The following CTNNA3 variants were observed in gnomAD, a reference collection of about 807,000 sequenced individuals.
CTNNA3 encodes the protein catenin alpha-3.
CTNNA3 carries 76 observed loss-of-function variants against 95.7 expected under a neutral mutation model. That is an observed-to-expected ratio of 0.79 (90% confidence interval 0.66 to 0.96). CTNNA3 has a LOEUF of 0.96. CTNNA3 is among the 40% of genes least tolerant of loss of function. The pLI, the probability that CTNNA3 is intolerant of heterozygous loss-of-function variation, is 0.00. For missense variants in CTNNA3, 1,191 were observed against 1,089.8 expected (o/e 1.09, Z -1.31); for synonymous variants, 431 against 374.4 (o/e 1.15, Z -1.74).
intron 12 of CTNNA3, among the ~76,000 whole-genome samples, chr10:66,303,750 C>T (rs183328658): frequency 2.0e-5 from 3 of 152,142 alleles, no homozygotes; most frequent in Admixed American, 1.3e-4. Flanking sequence ...TTTGCCACCA[C>T]GCCTGGCTAA....
In CTNNA3 at chr10:66,445,224, G is replaced by A. The variant is rs1002715689; in HGVS notation, c.1532-65872C>T. ...TTAGACTCCCACACAATAATAATGG[G>A]AGACATTAACACCCCACTGTCAACA... On this transcript the variant is annotated intron_variant, in intron 11 of 17. Transcript: ENST00000433211. Among the ~76,000 whole-genome samples the A allele has an allele frequency of 1.0e-3, 155 of 151,998 alleles. 1 individual carries two copies. The highest frequency in any genetic ancestry group is 3.4e-3 in the African/African-American group (140 of 41,410).
rs1195070449 is a variant in CTNNA3, at chr10:65,914,797, G to A, written c.*5533C>T. On this transcript the variant is annotated 3_prime_UTR_variant, in exon 18 of 18. Coordinates refer to ENST00000433211, the MANE Select transcript of CTNNA3 (RefSeq NM_013266.4). ...AGGTTGTCCTCTTATTTCAGATCAC[G>A]TAAATAACTTACTTCCCATGTACCT... The A allele has an allele frequency of 3.9e-5, 6 of 152,078 alleles. No individual in the cohort carries two copies. The highest frequency in any genetic ancestry group is 1.9e-4 in the East Asian group (1 of 5,194). The allele number at this position is 152,078 out of a possible 1,614,324, so 9.4% of individuals were successfully genotyped here.
intron 12 of CTNNA3, among the ~76,000 whole-genome samples, chr10:66,357,845 T>TA (rs1372260240): frequency 6.6e-6 from 1 of 152,118 alleles, no homozygotes; most frequent in Non-Finnish European, 1.5e-5. Flanking sequence ...TAGTAACACA[T>TA]ACGTATATTG....
chr10:66,854,138 C>T (rs1360090062), intron 7 of CTNNA3, among the ~76,000 whole-genome samples: 2 of 151,960 alleles, frequency 1.3e-5, no homozygotes, highest in Non-Finnish European at 2.9e-5. Flanking sequence ...AAAATCAAAC[C>T]ATCCATAAAA....
intron 1 of CTNNA3, among the ~76,000 whole-genome samples, chr10:67,727,380 T>C (rs1841241772): frequency 7.5e-6 from 1 of 133,518 alleles, no homozygotes; most frequent in Non-Finnish European, 1.5e-5. Context: ...ATATGTATGT[T>C]ACGTATTATA....
At chr10:67,319,631 C>T (rs1400832346) in intron 5 of CTNNA3, among the ~76,000 whole-genome samples, 2 of 152,078 alleles carry the variant, frequency 1.3e-5, no homozygotes, top group Non-Finnish European at 2.9e-5. Flanking sequence ...TGCAGTGGCT[C>T]ACACCTGTAA....
At chr10:67,656,839 T>C (rs1294069054) in intron 1 of CTNNA3, among the ~76,000 whole-genome samples, 1 of 151,996 alleles carries the variant, frequency 6.6e-6, no homozygotes, top group Non-Finnish European at 1.5e-5. Flanking sequence ...ACAAAGAGCA[T>C]AGTAAGAGAG....
intron 7 of CTNNA3, among the ~76,000 whole-genome samples, chr10:67,072,494 G>A (rs989515037): frequency 6.6e-6 from 1 of 152,234 alleles, no homozygotes; most frequent in Non-Finnish European, 1.5e-5. Flanking sequence ...AATTCCAAAC[G>A]ATATCTTCCA....
At chr10:66,799,970 G>C (rs879494965) in intron 7 of CTNNA3, among the ~76,000 whole-genome samples, 3 of 150,946 alleles carry the variant, frequency 2.0e-5, no homozygotes, top group Non-Finnish European at 4.4e-5. Flanking sequence ...TCAATGGCCA[G>C]AGAAAATACC....
intron 10 of CTNNA3, among the ~76,000 whole-genome samples, chr10:66,540,798 G>GT (rs1329570552): frequency 6.6e-6 from 1 of 152,066 alleles, no homozygotes; most frequent in African/African-American, 2.4e-5. Flanking sequence ...CCAAGTTCTA[G>GT]TCCATGAATT....
At chr10:67,688,856 A>G (rs562526532) in intron 1 of CTNNA3, among the ~76,000 whole-genome samples, 2 of 152,280 alleles carry the variant, frequency 1.3e-5, no homozygotes, top group South Asian at 4.1e-4. Context: ...AGAACCCGCA[A>G]CGGTCCCTGG....
chr10:67,704,081 ACCT>A (rs1032922135), intron 1 of CTNNA3, among the ~76,000 whole-genome samples: 1 of 152,192 alleles, frequency 6.6e-6, no homozygotes, highest in African/African-American at 2.4e-5. Context: ...GATGTGAAGG[ACCT>A]CCTCAAGGAG....
intron 5 of CTNNA3, among the ~76,000 whole-genome samples, chr10:67,368,196 A>G (rs1453285704): frequency 2.0e-5 from 3 of 152,234 alleles, no homozygotes; most frequent in African/African-American, 7.2e-5. Context: ...GACAAACAAA[A>G]GATTGAACCT....
In CTNNA3 at chr10:66,355,367, T is replaced by C. The variant is rs778365578; in HGVS notation, c.1732+23785A>G. Among the ~76,000 whole-genome samples the C allele has an allele frequency of 5.3e-5, 8 of 152,092 alleles. 1 individual carries two copies. Among genetic ancestry groups the C allele is most frequent in the Non-Finnish European group, 1.0e-4 (7 of 67,972 alleles). On this transcript the variant is annotated intron_variant, in intron 12 of 17. Transcript: ENST00000433211. ...TAAAATGAAAATAATATTATGCTCA[T>C]AGGGCTGTTACCAGGATTAAATGTA...
intron 12 of CTNNA3, among the ~76,000 whole-genome samples, chr10:66,377,731 A>G (rs1288652464): frequency 6.6e-6 from 1 of 150,846 alleles, no homozygotes; most frequent in Non-Finnish European, 1.5e-5. Context: ...AGGGACACAG[A>G]AAACTCTGTA....
chr10:66,901,114 A>T (rs561245782), intron 7 of CTNNA3, among the ~76,000 whole-genome samples: 1 of 152,332 alleles, frequency 6.6e-6, no homozygotes, highest in East Asian at 1.9e-4. Context: ...AAAAATGTTA[A>T]GGGCAGCCAG....
intron 13 of CTNNA3, among the ~76,000 whole-genome samples, chr10:66,224,690 T>C (rs1018343216): frequency 2.6e-5 from 4 of 152,154 alleles, no homozygotes; most frequent in Non-Finnish European, 4.4e-5. Context: ...AAGAAATGTC[T>C]ACTCCAAAAG....
At chr10:67,324,152 A>C (rs1841445523) in intron 5 of CTNNA3, among the ~76,000 whole-genome samples, 1 of 152,168 alleles carries the variant, frequency 6.6e-6, no homozygotes, top group South Asian at 2.1e-4. Context: ...TTCTAGTTAT[A>C]GGATGATGTC....
At chr10:67,704,733 TA>T (rs1841067114) in intron 1 of CTNNA3, among the ~76,000 whole-genome samples, 1 of 152,008 alleles carries the variant, frequency 6.6e-6, no homozygotes, top group Non-Finnish European at 1.5e-5. Context: ...ACTTCATGTC[TA>T]AAACACCAAA....
Sources: allele counts gnomAD v4.1 joint callset (sites outside exome capture counted in the v4.1 genomes callset), GRCh38; gene constraint gnomAD v4.1.1; transcripts MANE v1.5; gene names NCBI Gene and HGNC (gene_info 2026-07-23, HGNC 2026-07-21).